The following SAMD14 variants were observed in gnomAD, a reference collection of about 807,000 sequenced individuals.
The protein encoded by SAMD14 is sterile alpha motif domain containing 14.
Under a neutral mutation model 46.2 loss-of-function variants are expected in SAMD14, and 27 were observed. That is an observed-to-expected ratio of 0.58 (90% CI 0.43 to 0.81). SAMD14 has a LOEUF of 0.81. Among genes scored for constraint, SAMD14 ranks in the 30% least tolerant of loss-of-function variants. The pLI is 0.00. For missense variants in SAMD14, 559 were observed against 582.2 expected (o/e 0.96, Z 0.41); for synonymous variants, 241 against 254.3 (o/e 0.95, Z 0.50).
At position 50,110,059 on chromosome 17, in the gene SAMD14, A is replaced by G; in HGVS notation, c.*2834T>C. ...GGCCGGCGACTGGTGTGTGCCCAGC[A>G]CGGAGCCCAAGAACACGTCCACGTA... On this transcript the variant is annotated 3_prime_UTR_variant, in exon 10 of 10. Coordinates refer to ENST00000330175, the MANE Select transcript of SAMD14 (RefSeq NM_001257359.2). The G allele has an allele frequency of 6.2e-7, 1 of 1,611,266 alleles. No homozygotes were observed. Among genetic ancestry groups the G allele is most frequent in the Non-Finnish European group, 8.5e-7 (1 of 1,178,832 alleles).
At chr17:50,118,477 G>A in intron 2 of SAMD14, 150 bp from the exon 3 acceptor site, 1 of 911,482 alleles carries the variant, frequency 1.1e-6, no homozygotes, top group Non-Finnish European at 1.6e-6. Context: ...AAAACAGGGT[G>A]TCTCCCCGTC....
chr17:50,125,507 C>T (rs1160228055), intron 1 of SAMD14: 2 of 165,358 alleles, frequency 1.2e-5, no homozygotes, highest in Non-Finnish European at 2.6e-5. Flanking sequence ...GTCTACCCAC[C>T]TATGCACTCA....
intron 1 of SAMD14, among the ~76,000 whole-genome samples, chr17:50,125,906 T>G (rs1911744811): frequency 6.6e-6 from 1 of 151,812 alleles, no homozygotes; most frequent in African/African-American, 2.4e-5. Flanking sequence ...ATGGGTAGGG[T>G]TTTTTTTGTT....
chr17:50,120,470 T>G (rs1911451443), intron 2 of SAMD14, among the ~76,000 whole-genome samples: 1 of 152,308 alleles, frequency 6.6e-6, no homozygotes, highest in African/African-American at 2.4e-5. Context: ...CTAGCTGGTC[T>G]TCCTTCCGTC....
chr17:50,122,944 C>G (rs1187112161), intron 2 of SAMD14, among the ~76,000 whole-genome samples: 1 of 152,012 alleles, frequency 6.6e-6, no homozygotes, highest in African/African-American at 2.4e-5. Context: ...TTTCCAGCCC[C>G]TGGGGCTGAG....
intron 1 of SAMD14, among the ~76,000 whole-genome samples, chr17:50,125,614 C>T (rs117587297): frequency 7.2e-5 from 11 of 152,232 alleles, no homozygotes; most frequent in Non-Finnish European, 1.0e-4. Context: ...CAACACCTGC[C>T]GCCATCTGTC....
In SAMD14 at chr17:50,127,039, G is replaced by A. The variant is rs576913990; in HGVS notation, c.-12-2068C>T. Among the ~76,000 whole-genome samples the A allele has an allele frequency of 5.3e-5, 8 of 151,706 alleles. No individual in the cohort carries two copies. In the East Asian group the frequency reaches 1.4e-3, roughly 26 times the overall value. ...CACTTGAACCTGAGAGGTGGAGGTTGCAGTGAGCCGACATCATGCCATTGC... is the reference window on the plus strand; with the variant it reads ...CACTTGAACCTGAGAGGTGGAGGTTACAGTGAGCCGACATCATGCCATTGC... On this transcript the variant is annotated intron_variant, in intron 1 of 9. Coordinates refer to ENST00000330175, the MANE Select transcript of SAMD14 (RefSeq NM_001257359.2).
chr17:50,125,034 G>T, intron 1 of SAMD14, 63 bp from the exon 2 acceptor site: 1 of 1,476,134 alleles, frequency 6.8e-7, no homozygotes, highest in Non-Finnish European at 9.4e-7. Context: ...CAGGCTGACC[G>T]AGGCAGAAGA....
At chr17:50,127,705 C>G (rs897834856) in intron 1 of SAMD14, among the ~76,000 whole-genome samples, 1 of 152,166 alleles carries the variant, frequency 6.6e-6, no homozygotes, top group Admixed American at 6.5e-5. Flanking sequence ...AGCAGACTCT[C>G]CGAGAACCCT....
intron 4 of SAMD14, chr17:50,116,357 A>T (rs958943799): frequency 1.0e-5 from 4 of 385,520 alleles, no homozygotes; most frequent in Non-Finnish European, 1.8e-5. Flanking sequence ...ACGTTCCAAA[A>T]AGGTAGGAAT....
intron 4 of SAMD14, chr17:50,116,291 T>A: frequency 1.4e-6 from 1 of 707,394 alleles, no homozygotes; most frequent in Non-Finnish European, 2.2e-6. Context: ...TAATAACATC[T>A]ACCTGCTTCA....
chr17:50,118,332 G>A lies in SAMD14; in HGVS notation c.44-5C>T. ...CTGGCACAGCCAAGTCCAGGTCTGC[G>A]AACCGGGGGAGGGGAGCAGAGACCA... On this transcript the variant is annotated splice_region_variant and splice_polypyrimidine_tract_variant and intron_variant, in intron 2 of 9. Coordinates refer to ENST00000330175, the MANE Select transcript of SAMD14 (RefSeq NM_001257359.2). The A allele has an allele frequency of 1.2e-6, 2 of 1,611,356 alleles. No homozygotes were observed. Among genetic ancestry groups the A allele is most frequent in the Admixed American group, 1.7e-5 (1 of 60,006 alleles).
intron 1 of SAMD14, among the ~76,000 whole-genome samples, chr17:50,128,596 GAGA>G (rs958478926): frequency 1.4e-4 from 22 of 152,118 alleles, no homozygotes; most frequent in African/African-American, 5.1e-4. Context: ...TCCAATCCTG[GAGA>G]AGGAGCACCA....
At position 50,113,301 on chromosome 17, in the gene SAMD14, A is replaced by G. The variant is rs1910970883; in HGVS notation, c.1099-253T>C. On this transcript the variant is annotated intron_variant, in intron 9 of 9. Coordinates refer to ENST00000330175, the MANE Select transcript of SAMD14 (RefSeq NM_001257359.2). ...CCTCCTCCTCCCCCACCATTCCTCC[A>G]CTCAGTATTTCAGCCTTGGCCCGGA... 4 of 481,690 alleles carry G rather than the reference A, an allele frequency of 8.3e-6. No homozygotes were observed. In the South Asian group the frequency reaches 1.1e-4, roughly 13 times the overall value. The allele number at this position is 481,690 out of a possible 1,614,324, so 29.8% of individuals were successfully genotyped here. A position where few individuals can be genotyped will look rare whatever the true frequency, so the allele number is the denominator to read the frequency against.
intron 2 of SAMD14, chr17:50,124,039 G>A (rs1911627162): frequency 6.6e-6 from 3 of 455,276 alleles, no homozygotes; most frequent in African/African-American, 6.0e-5. Context: ...GAGAAGCTGG[G>A]GACCCTCTGG....
chr17:50,128,468 C>A (rs574595997), intron 1 of SAMD14, among the ~76,000 whole-genome samples: 3 of 117,006 alleles, frequency 2.6e-5, no homozygotes, highest in African/African-American at 1.1e-4. Context: ...CCCACACACA[C>A]CCCGCACACT....
At chr17:50,113,820 C>A in intron 9 of SAMD14, 104 bp downstream of exon 9, 2 of 1,420,226 alleles carry the variant, frequency 1.4e-6, no homozygotes, top group Non-Finnish European at 1.9e-6. Flanking sequence ...AAGGTCAGCC[C>A]AGGAGGCTGG....
rs375602955 is a variant in SAMD14, at chr17:50,111,665, C to G, written c.*1228G>C. 1.6e-4 allele frequency: 24 copies of G among 152,290 alleles called. No homozygotes were observed. Among genetic ancestry groups the G allele is most frequent in the African/African-American group, 5.5e-4 (23 of 41,448 alleles). 9.4% of individuals were successfully genotyped at this position (152,290 alleles called of 1,614,324 possible). ...AGCTGGAGGGGTTTCCAAGCGGGAG[C>G]CCCCAGGCCTCATCGGTAACTCTGA... On this transcript the variant is annotated 3_prime_UTR_variant, in exon 10 of 10. Coordinates refer to ENST00000330175, the MANE Select transcript of SAMD14 (RefSeq NM_001257359.2).
At position 50,115,438 on chromosome 17, in the gene SAMD14, A is replaced by G. The variant is rs1911131242; in HGVS notation, c.822+126T>C. On this transcript the variant is annotated intron_variant, in intron 7 of 9. Coordinates refer to ENST00000330175, the MANE Select transcript of SAMD14 (RefSeq NM_001257359.2). The surrounding 1 kb of genome is among the most constrained non-coding windows in gnomAD (Gnocchi z 5.3). ...AATGCATGAAGTAACGGATCACTGC[A>G]TGGCTCCATGGATGGACAAATTGAT... 2 of 996,716 alleles carry G rather than the reference A, an allele frequency of 2.0e-6. No individual in the cohort carries two copies. The highest frequency in any genetic ancestry group is 1.6e-5 in the African/African-American group (1 of 61,752). 61.7% of individuals were successfully genotyped at this position (996,716 alleles called of 1,614,324 possible).
Sources: gnomAD v4.1 joint callset for allele counts (sites outside exome capture counted in the v4.1 genomes callset) on GRCh38, gnomAD v4.1.1 for gene constraint, Gnocchi (gnomAD v3.1) non-coding constraint, MANE v1.5 for transcripts, NCBI Gene and HGNC (gene_info 2026-07-23, HGNC 2026-07-21) for gene names.